The following RORA variants were observed in gnomAD, a reference collection of about 807,000 sequenced individuals.
RORA encodes RAR related orphan receptor A.
RORA carries 7 observed loss-of-function variants against 69.5 expected under a neutral mutation model. The ratio of observed to expected loss-of-function variants is 0.10; its 90% CI spans 0.06 to 0.19. RORA has a LOEUF of 0.19. Ranked by LOEUF, RORA falls within the 10% of genes least tolerant of loss-of-function variation. The probability of loss-of-function intolerance (pLI) is 1.00; values close to 1 mark genes in which losing one functional copy is unlikely to be tolerated. For missense variants in RORA, 457 were observed against 663.0 expected, an observed-to-expected ratio of 0.69 and a Z score of 3.41; for synonymous variants, 261 against 240.8, an observed-to-expected ratio of 1.08 and a Z score of -0.78.
chr15:61,032,583 C>T (rs1337892814), intron 1 of RORA, among the ~76,000 whole-genome samples: 1 of 152,138 alleles, frequency 6.6e-6, no homozygotes, highest in African/African-American at 2.4e-5. Flanking sequence ...CAGGTTGGAC[C>T]AAGGGTGGAT....
chr15:61,160,046 C>T (rs948701622), intron 1 of RORA, among the ~76,000 whole-genome samples: 1 of 152,110 alleles, frequency 6.6e-6, no homozygotes, highest in Non-Finnish European at 1.5e-5. Context: ...GTTTCCTTAC[C>T]TATAAAACAG....
intron 1 of RORA, among the ~76,000 whole-genome samples, chr15:61,156,216 A>C (rs776669704): frequency 1.4e-4 from 22 of 152,116 alleles, no homozygotes; most frequent in Non-Finnish European, 2.6e-4. Flanking sequence ...CAAGGGGGGA[A>C]AAGTTTGAAG....
In RORA at chr15:60,668,992, G is replaced by A. The variant is rs141021370; in HGVS notation, c.196+9665C>T. ...TTGACTTTGCCTACCTAAGGAGTGA[G>A]CAAGGTTTGGAATTTGGGGTTTAAA... On this transcript the variant is annotated intron_variant, in intron 2 of 10. Coordinates refer to ENST00000335670, the MANE Select transcript of RORA (RefSeq NM_134261.3). Among the ~76,000 whole-genome samples the A allele has an allele frequency of 5.4e-4, 82 of 152,298 alleles. 2 individuals carry two copies. The South Asian group carries it at 8.1e-3, about 15-fold the overall frequency.
intron 1 of RORA, among the ~76,000 whole-genome samples, chr15:60,996,217 T>C (rs1413666883): frequency 6.6e-6 from 1 of 152,070 alleles, no homozygotes; most frequent in Non-Finnish European, 1.5e-5. Context: ...ATTACAGGCA[T>C]GTGGCACCAT....
At chr15:60,915,095 A>T (rs1328769294) in intron 1 of RORA, among the ~76,000 whole-genome samples, 1 of 152,202 alleles carries the variant, frequency 6.6e-6, no homozygotes, top group African/African-American at 2.4e-5. Context: ...GAACTTGAAC[A>T]CTAGCCTATC....
At chr15:60,553,842 C>T (rs1300150154) in intron 2 of RORA, among the ~76,000 whole-genome samples, 1 of 152,134 alleles carries the variant, frequency 6.6e-6, no homozygotes. Context: ...ATATATGGCC[C>T]CTAGAAGCCT....
intron 1 of RORA, among the ~76,000 whole-genome samples, chr15:60,855,754 G>GCAAT (rs1555458163): frequency 6.6e-6 from 1 of 151,650 alleles, no homozygotes; most frequent in East Asian, 1.9e-4. Context: ...CTGAGTAGCT[G>GCAAT]CACAGGCGCC....
chr15:60,950,073 G>A lies in RORA; in HGVS notation c.167-271387C>T, dbSNP rs1160199050. ...GTTACCCTCAAAGGGAAGCCCATCAGACTAACAGCGGATCTCTCGGCAGAA... is the reference window on the plus strand; with the variant it reads ...GTTACCCTCAAAGGGAAGCCCATCAAACTAACAGCGGATCTCTCGGCAGAA... On this transcript the variant is annotated intron_variant, in intron 1 of 10. Coordinates refer to ENST00000335670, the MANE Select transcript of RORA (RefSeq NM_134261.3). Among the ~76,000 whole-genome samples the A allele has an allele frequency of 4.6e-5, 7 of 151,712 alleles. No homozygotes were observed. The East Asian group carries it at 1.4e-3, about 30-fold the overall frequency.
intron 1 of RORA, among the ~76,000 whole-genome samples, chr15:60,742,131 G>A (rs1258323514): frequency 6.6e-6 from 1 of 152,092 alleles, no homozygotes; most frequent in African/African-American, 2.4e-5. Flanking sequence ...AGATATATAT[G>A]TGTATGTATT....
chr15:60,796,648 A>T lies in RORA; in HGVS notation c.167-117962T>A, dbSNP rs2072502044. Among the ~76,000 whole-genome samples the T allele has an allele frequency of 5.3e-5, 8 of 152,338 alleles. No individual in the cohort carries two copies. In the South Asian group the frequency reaches 1.7e-3, roughly 32 times the overall value. On this transcript the variant is annotated intron_variant, in intron 1 of 10. Coordinates refer to ENST00000335670, the MANE Select transcript of RORA (RefSeq NM_134261.3). ...TCAATAAATCAAACATAGAATTATC[A>T]TATGATCATATAATCCAGCAATTTC...
At chr15:60,940,303 T>C (rs1892653899) in intron 1 of RORA, among the ~76,000 whole-genome samples, 1 of 152,154 alleles carries the variant, frequency 6.6e-6, no homozygotes, top group East Asian at 1.9e-4. Context: ...AAACTGTACG[T>C]CCATACGATG....
intron 2 of RORA, among the ~76,000 whole-genome samples, chr15:60,536,668 C>T (rs545656842): frequency 2.6e-5 from 4 of 152,366 alleles, no homozygotes; most frequent in Admixed American, 6.5e-5. Flanking sequence ...AATTGCACAA[C>T]CAAATATTTT....
chr15:60,626,684 G>C (rs1009618953), intron 2 of RORA, among the ~76,000 whole-genome samples: 1 of 152,064 alleles, frequency 6.6e-6, no homozygotes, highest in African/African-American at 2.4e-5. Flanking sequence ...CACCAGAGTG[G>C]GTGGGCCGCA....
chr15:61,035,858 C>G (rs1056283780), intron 1 of RORA, among the ~76,000 whole-genome samples: 1 of 152,136 alleles, frequency 6.6e-6, no homozygotes, highest in African/African-American at 2.4e-5. Flanking sequence ...TCTATTAACC[C>G]ATAGGCATTC....
chr15:60,612,784 A>C (rs2069128777), intron 2 of RORA, among the ~76,000 whole-genome samples: 1 of 151,334 alleles, frequency 6.6e-6, no homozygotes, highest in Non-Finnish European at 1.5e-5. Flanking sequence ...AATTTTGACT[A>C]AGTTAAAAAG....
At chr15:60,910,964 C>T (rs1264443022) in intron 1 of RORA, among the ~76,000 whole-genome samples, 3 of 141,896 alleles carry the variant, frequency 2.1e-5, no homozygotes, top group African/African-American at 8.0e-5. Context: ...AGTGCAATGG[C>T]GCGATCCTGG....
intron 1 of RORA, among the ~76,000 whole-genome samples, chr15:61,160,731 C>G (rs914231217): frequency 6.6e-6 from 1 of 152,124 alleles, no homozygotes; most frequent in Non-Finnish European, 1.5e-5. Flanking sequence ...TAATTGATCA[C>G]AGAAAAGATG....
chr15:60,732,940 T>G (rs1429071296), intron 1 of RORA, among the ~76,000 whole-genome samples: 2 of 152,172 alleles, frequency 1.3e-5, no homozygotes, highest in African/African-American at 2.4e-5. Flanking sequence ...AAACAAAAAC[T>G]ACTTTCTTTT....
chr15:61,143,015 A>C (rs184839304), intron 1 of RORA, among the ~76,000 whole-genome samples: 106 of 152,252 alleles, frequency 7.0e-4, no homozygotes, highest in Non-Finnish European at 1.3e-3. Context: ...CAATGAGGAG[A>C]AAGTCATGAA....
Sources: gnomAD v4.1 joint callset for allele counts (sites outside exome capture counted in the v4.1 genomes callset) on GRCh38, gnomAD v4.1.1 for gene constraint, MANE v1.5 for transcripts, NCBI Gene and HGNC (gene_info 2026-07-23, HGNC 2026-07-21) for gene names.